Variants in COQ8B observed in about 807,000 individuals in gnomAD.
COQ8B encodes atypical kinase COQ8B, mitochondrial.
In COQ8B, 44 loss-of-function variants were observed where a neutral mutation model predicts 62.0. The observed-to-expected ratio is 0.71, with a 90% CI of 0.56 to 0.91. The LOEUF (loss-of-function observed/expected upper bound fraction) is 0.91, where lower values mean the gene tolerates loss of function less well. Among genes scored for constraint, COQ8B ranks in the 40% least tolerant of loss-of-function variants. COQ8B has a pLI of 0.00. For missense variants in COQ8B, 649 were observed against 731.6 expected (o/e 0.89, Z 1.30); for synonymous variants, 252 against 289.9 (o/e 0.87, Z 1.33).
chr19:40,712,413 A>AG (rs2082149233), intron 4 of COQ8B, among the ~76,000 whole-genome samples: 1 of 101,886 alleles, frequency 9.8e-6, no homozygotes, highest in African/African-American at 5.2e-5. Context: ...TCTCCCTAAG[A>AG]AAAAAAAAAA....
rs1311081006 is a variant in COQ8B at position 40,700,527 on chromosome 19, C to G, written c.894-76G>C. 6.5e-6 allele frequency: 10 copies of G among 1,530,582 alleles called. No homozygotes were observed. The Admixed American group carries it at 1.9e-4, about 29-fold the overall frequency. 94.8% of individuals were successfully genotyped at this position (1,530,582 alleles called of 1,614,324 possible). A position where few individuals can be genotyped will look rare whatever the true frequency, so the allele number is the denominator to read the frequency against. On this transcript the variant is annotated intron_variant, in intron 10 of 14. Coordinates refer to ENST00000324464, the MANE Select transcript of COQ8B (RefSeq NM_024876.4). ...CCCAGCTTGAGACCTCCTCCTTGTG[C>G]TCTCAGAAGTCCTCCATGAACAGTC...
At chr19:40,699,894 G>A (rs2082048008) in intron 12 of COQ8B, among the ~76,000 whole-genome samples, 173 bp downstream of exon 12, 1 of 152,226 alleles carries the variant, frequency 6.6e-6, no homozygotes, top group East Asian at 1.9e-4. Context: ...CAAGGCCCCA[G>A]GGATGGCAAA....
At chr19:40,700,805 T>G (rs1290388017) in intron 10 of COQ8B, 2 of 241,000 alleles carry the variant, frequency 8.3e-6, no homozygotes, top group Admixed American at 9.7e-5. Flanking sequence ...TATTAATTCA[T>G]TCATCCCAAA....
rs569451818 is a variant in COQ8B at position 40,703,863 on chromosome 19, G to C, written c.577-8C>G. On this transcript the variant is annotated splice_polypyrimidine_tract_variant and splice_region_variant and intron_variant, in intron 7 of 14. Coordinates refer to ENST00000324464, the MANE Select transcript of COQ8B (RefSeq NM_024876.4). The stretch of plus-strand genomic sequence containing the variant: ...CTCCTCTTCAAGAACTCTCTGCGGG[G>C]AGTGGTCACAGCCATCATCATTGTG... The C allele has an allele frequency of 2.5e-6, 4 of 1,603,998 alleles. No homozygotes were observed. In the East Asian group the frequency reaches 9.0e-5, roughly 36 times the overall value.
intron 12 of COQ8B, among the ~76,000 whole-genome samples, chr19:40,697,875 G>GAGAGAGAGGGAGAGAGAC (rs58313890): frequency 9.7e-6 from 1 of 103,474 alleles, no homozygotes; most frequent in African/African-American, 4.2e-5. Context: ...GAGAGAGAGA[G>GAGAGAGAGGGAGAGAGAC]AGTTTCTACT....
chr19:40,695,937 T>G, intron 13 of COQ8B, 52 bp downstream of exon 13: 1 of 1,571,210 alleles, frequency 6.4e-7, no homozygotes, highest in Non-Finnish European at 8.8e-7. Context: ...TGCCTCAGTA[T>G]ATGGCTTGAG....
At chr19:40,707,885 C>T (rs1406319244) in intron 5 of COQ8B, among the ~76,000 whole-genome samples, 1 of 152,162 alleles carries the variant, frequency 6.6e-6, no homozygotes, top group African/African-American at 2.4e-5. Flanking sequence ...TAAAGGTGTG[C>T]AGGGATCCTG....
chr19:40,712,881 T>C (rs2082153182), intron 4 of COQ8B, among the ~76,000 whole-genome samples: 1 of 152,228 alleles, frequency 6.6e-6, no homozygotes. Context: ...CAGTGCAGCA[T>C]GTGTGTATAT....
At chr19:40,713,948 C>G in intron 4 of COQ8B, 119 bp downstream of exon 4, 4 of 1,071,418 alleles carry the variant, frequency 3.7e-6, no homozygotes, top group East Asian at 2.5e-5. Context: ...TTGCCTTTGT[C>G]TCTCTTTTTT....
At chr19:40,693,110 G>A in intron 13 of COQ8B, 73 bp from the exon 14 acceptor site, 2 of 1,345,962 alleles carry the variant, frequency 1.5e-6, no homozygotes, top group South Asian at 1.2e-5. Context: ...GGAGCTGGAA[G>A]CCTGGGCCTC....
chr19:40,693,823 G>A (rs1159639357), intron 13 of COQ8B, among the ~76,000 whole-genome samples: 1 of 152,170 alleles, frequency 6.6e-6, no homozygotes, highest in African/African-American at 2.4e-5. Flanking sequence ...TGGGCACGGG[G>A]GTCCCTATTT....
In COQ8B at chr19:40,696,265, A is replaced by C. The variant is rs551230406; in HGVS notation, c.1144-211T>G. ...TTTTTTCTTTTAGTTCTAATTGTTT[A>C]TGCAATAACAAATTTTAGACCCAGA... On this transcript the variant is annotated intron_variant, in intron 12 of 14. Transcript: ENST00000324464. 6.6e-5 allele frequency among the ~76,000 whole-genome samples: 10 copies of C among 152,172 alleles called. No individual in the cohort carries two copies. The South Asian group carries it at 1.9e-3, about 28-fold the overall frequency.
intron 12 of COQ8B, among the ~76,000 whole-genome samples, chr19:40,698,208 C>A (rs1397082130): frequency 6.7e-6 from 1 of 148,788 alleles, no homozygotes; most frequent in Non-Finnish European, 1.5e-5. Flanking sequence ...AAGAGCGAGA[C>A]TTCATCTCGG....
chr19:40,713,805 G>A (rs2082162145), intron 4 of COQ8B, among the ~76,000 whole-genome samples: 2 of 148,784 alleles, frequency 1.3e-5, no homozygotes, highest in Non-Finnish European at 3.0e-5. Flanking sequence ...AATTGCTTGA[G>A]CCCAGAAGTT....
At chr19:40,695,886 T>C in intron 13 of COQ8B, 103 bp downstream of exon 13, 2 of 1,190,278 alleles carry the variant, frequency 1.7e-6, no homozygotes, top group Non-Finnish European at 2.5e-6. Flanking sequence ...TTATTTATTA[T>C]TTCTTAATTC....
At position 40,703,702 on chromosome 19, in the gene COQ8B, C is replaced by A; in HGVS notation, c.717+13G>T. 1 of 1,614,096 alleles carries A rather than the reference C, an allele frequency of 6.2e-7. No individual in the cohort carries two copies. The highest frequency in any genetic ancestry group is 1.7e-5 in the Admixed American group (1 of 60,018). Reference sequence around the variant, plus strand: ...GGGTGCCCGCCCCTACCCTGCCCAGCCTCCCCTCTCACCTGGATCTTCACG... The same window carrying A: ...GGGTGCCCGCCCCTACCCTGCCCAGACTCCCCTCTCACCTGGATCTTCACG... On this transcript the variant is annotated intron_variant, in intron 8 of 14. Transcript: ENST00000324464.
chr19:40,711,615 G>A (rs77891914), intron 4 of COQ8B, among the ~76,000 whole-genome samples: 27 of 152,024 alleles, frequency 1.8e-4, no homozygotes, highest in African/African-American at 5.5e-4. Context: ...TCCTCCCTTT[G>A]ATGTTATCTC....
At chr19:40,699,425 T>C (rs563691204) in intron 12 of COQ8B, among the ~76,000 whole-genome samples, 2 of 150,202 alleles carry the variant, frequency 1.3e-5, no homozygotes, top group Non-Finnish European at 3.0e-5. Flanking sequence ...CCATCTGGCC[T>C]GTGCTCCTCA....
intron 4 of COQ8B, among the ~76,000 whole-genome samples, chr19:40,711,805 TGA>T (rs2144714821): frequency 6.6e-6 from 1 of 152,282 alleles, no homozygotes; most frequent in African/African-American, 2.4e-5. Context: ...TGTCCTTACA[TGA>T]GGTCTCCACC....
Sources: allele counts gnomAD v4.1 joint callset (sites outside exome capture counted in the v4.1 genomes callset), GRCh38; gene constraint gnomAD v4.1.1; transcripts MANE v1.5; gene names NCBI Gene and HGNC (gene_info 2026-07-23, HGNC 2026-07-21).